Variants in KDM4B observed in about 807,000 individuals in gnomAD.
KDM4B encodes the protein lysine demethylase 4B, also known as lysine-specific demethylase 4B.
In KDM4B, 32 loss-of-function variants were observed where a neutral mutation model predicts 125.2. The ratio of observed to expected loss-of-function variants is 0.26; its 90% CI spans 0.19 to 0.34. The LOEUF (loss-of-function observed/expected upper bound fraction) is 0.34. Among genes scored for constraint, KDM4B ranks in the 10% least tolerant of loss-of-function variants. The probability of loss-of-function intolerance (pLI) is 1.00; values close to 1 mark genes in which losing one functional copy is unlikely to be tolerated. For synonymous variants in KDM4B, 721 were observed against 677.9 expected (o/e 1.06, Z -0.99); for missense variants, 1,190 against 1,577.7 (o/e 0.75, Z 4.16).
chr19:5,056,871 GGGGCGGGGACGCTGGGGCGGGGAGTC>G (rs2037413963), intron 6 of KDM4B, among the ~76,000 whole-genome samples: 3 of 150,070 alleles, frequency 2.0e-5, no homozygotes, highest in South Asian at 4.2e-4. Flanking sequence ...GGGGAGTCCT[GGGGCGGGGACGCTGGGGCGGGGAGTC>G]CTGGGGCGGG....
chr19:5,046,127 A>T (rs2037017623), intron 5 of KDM4B, among the ~76,000 whole-genome samples: 1 of 152,178 alleles, frequency 6.6e-6, no homozygotes, highest in Non-Finnish European at 1.5e-5. Flanking sequence ...CACTGCCTGC[A>T]CTTGGCCTGT....
At chr19:5,017,782 C>T (rs139780516) in intron 2 of KDM4B, among the ~76,000 whole-genome samples, 5,115 of 152,122 alleles carry the variant, frequency 0.034, 97 homozygotes, top group Middle Eastern at 0.11. Context: ...CCTCTGTCAC[C>T]CAGGCTGGAG....
rs1168212739 is a variant in KDM4B at position 5,034,665 on chromosome 19, C to T, written c.141+1634C>T. On this transcript the variant is annotated intron_variant, in intron 3 of 22. Transcript: ENST00000159111. ...TTTCCGGGCCGCCTCCACCCTGCCC[C>T]TCCCTCCACTCCCTGGTTTTGGTGG... 2.0e-5 allele frequency among the ~76,000 whole-genome samples: 3 copies of T among 152,336 alleles called. No individual in the cohort carries two copies. The East Asian group carries it at 5.8e-4, about 29-fold the overall frequency.
chr19:5,131,851 AGCGGGG>A (rs1164622099), intron 12 of KDM4B, 30 bp from the exon 13 acceptor site: 3 of 1,612,336 alleles, frequency 1.9e-6, no homozygotes, highest in Non-Finnish European at 2.5e-6. Context: ...AGGGGTCTGT[AGCGGGG>A]CCCTCACTAC....
chr19:5,079,457 T>G (rs2038221104), intron 8 of KDM4B, among the ~76,000 whole-genome samples: 1 of 152,126 alleles, frequency 6.6e-6, no homozygotes, highest in Non-Finnish European at 1.5e-5. Context: ...TAGGCCTTGG[T>G]TCATAGGAGG....
intron 10 of KDM4B, chr19:5,119,040 G>C (rs1314623108): frequency 1.2e-6 from 1 of 819,772 alleles, no homozygotes; most frequent in African/African-American, 1.7e-5. Flanking sequence ...TGGGGACAGA[G>C]CCAGGTGGCC....
intron 6 of KDM4B, among the ~76,000 whole-genome samples, chr19:5,049,010 C>T (rs1380053521): frequency 6.6e-6 from 1 of 151,952 alleles, no homozygotes; most frequent in Non-Finnish European, 1.5e-5. Context: ...TGAGGGGCCC[C>T]GGGGGTTGCT....
chr19:5,034,951 C>T (rs1408919347), intron 3 of KDM4B, among the ~76,000 whole-genome samples: 1 of 152,150 alleles, frequency 6.6e-6, no homozygotes, highest in Non-Finnish European at 1.5e-5. Flanking sequence ...CTCAGCTTCC[C>T]GAGTAGCTGG....
intron 1 of KDM4B, among the ~76,000 whole-genome samples, chr19:4,987,678 G>A (rs757625970): frequency 6.6e-6 from 1 of 152,206 alleles, no homozygotes; most frequent in African/African-American, 2.4e-5. Context: ...CTGCTGTCAG[G>A]CCTCCCAAAG....
chr19:5,017,771 C>T (rs536330233), intron 2 of KDM4B, among the ~76,000 whole-genome samples: 1 of 152,224 alleles, frequency 6.6e-6, no homozygotes, highest in South Asian at 2.1e-4. Context: ...GACAGAGTCT[C>T]CCTCTGTCAC....
rs146455420 is a variant in KDM4B at position 5,095,055 on chromosome 19, A to G, written c.918+12551A>G. Among the ~76,000 whole-genome samples the G allele has an allele frequency of 1.2e-3, 177 of 152,214 alleles. 2 individuals carry two copies. Among genetic ancestry groups the G allele is most frequent in the African/African-American group, 3.9e-3 (162 of 41,532 alleles). Reference sequence around the variant, plus strand: ...AGCCATAGATGTCCTGTCGGCAGCTATGAGATGCTGTGCCCTCCCCACGCC... The same window carrying G: ...AGCCATAGATGTCCTGTCGGCAGCTGTGAGATGCTGTGCCCTCCCCACGCC... On this transcript the variant is annotated intron_variant, in intron 9 of 22. Coordinates refer to ENST00000159111, the MANE Select transcript of KDM4B (RefSeq NM_015015.3).
At chr19:4,991,662 CTT>C (rs1195050114) in intron 1 of KDM4B, among the ~76,000 whole-genome samples, 8 of 152,178 alleles carry the variant, frequency 5.3e-5, no homozygotes, top group Non-Finnish European at 1.2e-4. Context: ...TTGGTAGAGT[CTT>C]TGCGACATTC....
intron 9 of KDM4B, among the ~76,000 whole-genome samples, chr19:5,083,749 A>G (rs572874849): frequency 6.6e-6 from 1 of 152,250 alleles, no homozygotes; most frequent in African/African-American, 2.4e-5. Flanking sequence ...GCTGCTCGTG[A>G]TGCAGCAGGA....
chr19:5,052,793 G>A (rs1431144752), intron 6 of KDM4B, among the ~76,000 whole-genome samples: 3 of 152,242 alleles, frequency 2.0e-5, no homozygotes, highest in Admixed American at 6.5e-5. Flanking sequence ...ATGGGGTAGC[G>A]CGCTGGCGCC....
At chr19:4,972,369 C>T (rs545521791) in intron 1 of KDM4B, among the ~76,000 whole-genome samples, 3 of 152,250 alleles carry the variant, frequency 2.0e-5, no homozygotes, top group East Asian at 1.9e-4. Flanking sequence ...AGGATCAAAG[C>T]GGGTAAAAGG....
intron 1 of KDM4B, among the ~76,000 whole-genome samples, chr19:5,005,780 C>A (rs2035537995): frequency 6.6e-6 from 1 of 152,198 alleles, no homozygotes; most frequent in Non-Finnish European, 1.5e-5. Flanking sequence ...AAGGTCCCCA[C>A]CATTCTCCAG....
At chr19:5,102,795 C>T (rs549673864) in intron 9 of KDM4B, among the ~76,000 whole-genome samples, 10 of 152,300 alleles carry the variant, frequency 6.6e-5, no homozygotes, top group East Asian at 3.9e-4. Context: ...CCGCCCCTGA[C>T]GTCAGCATCT....
intron 1 of KDM4B, among the ~76,000 whole-genome samples, chr19:4,992,112 T>C (rs2035049403): frequency 6.6e-6 from 1 of 151,844 alleles, no homozygotes. Flanking sequence ...GCAGAGTGAG[T>C]TCCTTTGTGT....
At chr19:5,049,207 G>T (rs1239566282) in intron 6 of KDM4B, among the ~76,000 whole-genome samples, 4 of 152,122 alleles carry the variant, frequency 2.6e-5, no homozygotes, top group Non-Finnish European at 5.9e-5. Flanking sequence ...GATGCGCCAG[G>T]AGCCGAGGGC....
Sources: gnomAD v4.1 joint callset for allele counts (sites outside exome capture counted in the v4.1 genomes callset) on GRCh38, gnomAD v4.1.1 for gene constraint, MANE v1.5 for transcripts, NCBI Gene and HGNC (gene_info 2026-07-23, HGNC 2026-07-21) for gene names.